Variants in GEMIN5 observed in about 807,000 individuals in gnomAD.
GEMIN5 encodes the protein gem-associated protein 5.
GEMIN5 carries 124 observed loss-of-function variants against 176.9 expected under a neutral mutation model. The observed-to-expected ratio is 0.70, with a 90% CI of 0.61 to 0.81. The LOEUF is 0.81. Among genes scored for constraint, GEMIN5 ranks in the 40% least tolerant of loss-of-function variants. The pLI is 0.00. For missense variants in GEMIN5, 1,843 were observed against 1,814.6 expected, an observed-to-expected ratio of 1.02 and a Z score of -0.28; for synonymous variants, 673 against 665.2, an observed-to-expected ratio of 1.01 and a Z score of -0.18.
intron 13 of GEMIN5, among the ~76,000 whole-genome samples, chr5:154,916,158 G>C: frequency 6.6e-6 from 1 of 151,940 alleles, no homozygotes; most frequent in Admixed American, 6.6e-5. Context: ...AAAGTGCTAG[G>C]ATTACAGGTA....
At chr5:154,921,825 A>G (rs1247491711) in intron 9 of GEMIN5, among the ~76,000 whole-genome samples, 4 of 152,350 alleles carry the variant, frequency 2.6e-5, no homozygotes, top group Non-Finnish European at 2.9e-5. Context: ...CTAAATTGAG[A>G]CAAGATTTCA....
chr5:154,906,192 C>T (rs1275075262), intron 16 of GEMIN5, among the ~76,000 whole-genome samples: 1 of 151,900 alleles, frequency 6.6e-6, no homozygotes, highest in African/African-American at 2.4e-5. Flanking sequence ...GATGGGGGTT[C>T]CCTATGTTGC....
chr5:154,894,602 C>T (rs896283384), intron 24 of GEMIN5, among the ~76,000 whole-genome samples: 5 of 151,812 alleles, frequency 3.3e-5, no homozygotes. Flanking sequence ...GAAACCCTGT[C>T]TCTACTAAAA....
At position 154,932,147 on chromosome 5, in the gene GEMIN5, G is replaced by A. The variant is rs1764182273; in HGVS notation, c.613C>T (p.Pro205Ser). The A allele has an allele frequency of 6.2e-7, 1 of 1,613,544 alleles. No homozygotes were observed. The highest frequency in any genetic ancestry group is 8.5e-7 in the Non-Finnish European group (1 of 1,179,434). ...DDEIHSIAWCPLPGEDCLSIN... is the reference protein window; with the variant it reads ...DDEIHSIAWCSLPGEDCLSIN... The stretch of plus-strand genomic sequence containing the variant: ...GATAAACAATCTTCACCAGGCAGGG[G>A]ACACCAGGCTATGGAGTGGATTTCA... The change falls in exon 4 of 28, where the codon CCC (proline) becomes TCC (serine). Residue 205 changes from proline to serine, a missense_variant. Transcript: ENST00000285873.
chr5:154,917,156 G>A lies in GEMIN5; in HGVS notation c.1697C>T (p.Pro566Leu), dbSNP rs1369801731. The A allele has an allele frequency of 1.3e-6, 2 of 1,496,690 alleles. No individual in the cohort carries two copies. Among genetic ancestry groups the A allele is most frequent in the Non-Finnish European group, 1.8e-6 (2 of 1,106,836 alleles). 92.7% of individuals were successfully genotyped at this position (1,496,690 alleles called of 1,614,324 possible). A position where few individuals can be genotyped will look rare whatever the true frequency, so the allele number is the denominator to read the frequency against. ...EDGSIEIFQI[P>L]NLKLICTIQQ... ...GATAGTACAGATCAGTTTCAGGTTG[G>A]GAATCTGAAATATTTCTATTGATCT... The change falls in exon 13 of 28, where the codon CCC becomes CTC. Residue 566 changes from proline (P) to leucine (L), a missense_variant. Physicochemically the swap from Pro to Leu is moderately conservative, Grantham distance 98. Coordinates refer to ENST00000285873, the MANE Select transcript of GEMIN5 (RefSeq NM_015465.5).
chr5:154,929,011 C>T (rs1476728922), intron 5 of GEMIN5, among the ~76,000 whole-genome samples: 3 of 151,630 alleles, frequency 2.0e-5, no homozygotes, highest in Non-Finnish European at 2.9e-5. Flanking sequence ...ATCACGAGGT[C>T]AGGAGATCGA....
chr5:154,929,146 C>T (rs1764106915), intron 5 of GEMIN5, among the ~76,000 whole-genome samples: 1 of 152,142 alleles, frequency 6.6e-6, no homozygotes, highest in African/African-American at 2.4e-5. Context: ...ATGGCATGAA[C>T]CCAGGAGGTG....
At chr5:154,929,460 C>T (rs990565778) in intron 5 of GEMIN5, among the ~76,000 whole-genome samples, 1 of 152,144 alleles carries the variant, frequency 6.6e-6, no homozygotes, top group Non-Finnish European at 1.5e-5. Flanking sequence ...TTCTAATCAC[C>T]GTTTTTTAAG....
chr5:154,913,040 TA>T lies in GEMIN5; in HGVS notation c.1856-3del. On this transcript the variant is annotated splice_polypyrimidine_tract_variant and splice_region_variant and intron_variant, in intron 13 of 27. Coordinates refer to ENST00000285873, the MANE Select transcript of GEMIN5 (RefSeq NM_015465.5). Reference sequence around the variant, plus strand: ...TCACTGGAGACTCAGGGCTGCTCTCTAAAAGGCAAAGGAAAGACATCACTGC... The same window carrying T: ...TCACTGGAGACTCAGGGCTGCTCTCTAAAGGCAAAGGAAAGACATCACTGC... 6.2e-7 allele frequency: 1 copy of T among 1,605,224 alleles called. No homozygotes were observed. The highest frequency in any genetic ancestry group is 8.5e-7 in the Non-Finnish European group (1 of 1,176,210).
Position 154,911,900 on chromosome 5 carries a change from T to C in GEMIN5, c.1996-2A>G, listed in dbSNP as rs760695902. The stretch of plus-strand genomic sequence containing the variant: ...CTCTTCCCGGAGAGCATCCCACACC[T>C]AAACCCAAAAGCACATGGCCGAAAA... On this transcript the variant is annotated splice_acceptor_variant, in intron 14 of 27. Transcript: ENST00000285873. LOFTEE classifies it high-confidence loss of function. The C allele has an allele frequency of 1.9e-6, 3 of 1,612,862 alleles. No homozygotes were observed. Among genetic ancestry groups the C allele is most frequent in the Non-Finnish European group, 2.5e-6 (3 of 1,179,380 alleles).
At chr5:154,936,987 A>G in intron 2 of GEMIN5, 38 bp downstream of exon 2, 1 of 1,557,678 alleles carries the variant, frequency 6.4e-7, no homozygotes, top group Non-Finnish European at 8.8e-7. Flanking sequence ...CAGCACAGAT[A>G]GATAAAAACG....
intron 19 of GEMIN5, 138 bp downstream of exon 19, chr5:154,902,942 G>A (rs1763495499): frequency 1.5e-6 from 1 of 656,462 alleles, no homozygotes; most frequent in South Asian, 1.9e-5. Context: ...ATGTAAATCA[G>A]GGAGCTCAAA....
intron 18 of GEMIN5, among the ~76,000 whole-genome samples, chr5:154,903,808 T>A (rs1325801746): frequency 6.6e-6 from 1 of 151,636 alleles, no homozygotes; most frequent in East Asian, 1.9e-4. Flanking sequence ...GAGGAAGATT[T>A]ACTTTGAAAA....
At chr5:154,910,819 C>T (rs999196668) in intron 15 of GEMIN5, among the ~76,000 whole-genome samples, 1 of 152,224 alleles carries the variant, frequency 6.6e-6, no homozygotes, top group African/African-American at 2.4e-5. Flanking sequence ...CTGCCTCAGC[C>T]TCCCGAGTAG....
chr5:154,937,001 T>C (rs774178422), intron 2 of GEMIN5, 24 bp downstream of exon 2: 5 of 1,592,222 alleles, frequency 3.1e-6, no homozygotes, highest in Non-Finnish European at 4.3e-6. Context: ...AAAAACGGTT[T>C]GAGAAACCAG....
In GEMIN5 at chr5:154,891,104, C is replaced by T. The variant is rs1051225943; in HGVS notation, c.4262+137G>A. ...AGAGACAGGGTCTCGCTTTTTTGCC[C>T]GGGCTGGTGGTGAACTCCTGGGCCA... is the stretch of plus-strand genomic sequence containing the variant. On this transcript the variant is annotated intron_variant, in intron 26 of 27. Coordinates refer to ENST00000285873, the MANE Select transcript of GEMIN5 (RefSeq NM_015465.5). The T allele has an allele frequency of 4.6e-5, 24 of 517,728 alleles. 1 individual carries two copies. In the Admixed American group the frequency reaches 6.1e-4, roughly 13 times the overall value. 32.1% of individuals were successfully genotyped at this position (517,728 alleles called of 1,614,324 possible). A position where few individuals can be genotyped will look rare whatever the true frequency, so the allele number is the denominator to read the frequency against.
Position 154,891,471 on chromosome 5 carries a change from T to A in GEMIN5, c.4032A>T (p.Arg1344Ser), listed in dbSNP as rs1353469619. The A allele has an allele frequency of 6.2e-7, 1 of 1,614,090 alleles. No homozygotes were observed. The change falls in exon 26 of 28, where the codon AGA becomes AGT. Residue 1344 changes from arginine (R) to serine (S), a missense_variant. By Grantham distance (110) the Arg-to-Ser change is moderately radical (BLOSUM62 -1). Transcript: ENST00000285873. ...GCATTCGCTCACCTTCTTCTGTGAG[T>A]CTCAAGTCTAGTTCTGAAGGCCTGT... ...EPNRPSELDL[R>S]LTEEGERMLS...
At chr5:154,916,088 A>T (rs896866347) in intron 13 of GEMIN5, among the ~76,000 whole-genome samples, 6 of 152,040 alleles carry the variant, frequency 3.9e-5, no homozygotes, top group African/African-American at 1.4e-4. Context: ...GGGTCTCCCT[A>T]CATTGCCCAG....
intron 26 of GEMIN5, 128 bp from the exon 27 acceptor site, chr5:154,889,545 T>C (rs77215386): frequency 7.9e-4 from 417 of 526,300 alleles, no homozygotes; most frequent in African/African-American, 5.4e-3. Context: ...TAAAAATACA[T>C]AGTTCAGTGA....
Sources: allele counts gnomAD v4.1 joint callset (sites outside exome capture counted in the v4.1 genomes callset), GRCh38; gene constraint gnomAD v4.1.1; transcripts MANE v1.5; gene names NCBI Gene and HGNC (gene_info 2026-07-23, HGNC 2026-07-21).